FAM117B: variants seen among roughly 807,000 people sequenced by gnomAD.
FAM117B encodes family with sequence similarity 117 member B.
Under a neutral mutation model 52.8 loss-of-function variants are expected in FAM117B, and 22 were observed. The ratio of observed to expected loss-of-function variants is 0.42; its 90% CI spans 0.30 to 0.59. The LOEUF is 0.59. FAM117B is among the 20% of genes least tolerant of loss of function. FAM117B has a pLI of 0.22. For missense variants in FAM117B, 678 were observed against 802.6 expected, an observed-to-expected ratio of 0.84 and a Z score of 1.88; for synonymous variants, 309 against 324.1, an observed-to-expected ratio of 0.95 and a Z score of 0.50.
At chr2:202,668,706 GTTTTA>G (rs1210375187) in intron 1 of FAM117B, among the ~76,000 whole-genome samples, 2 of 151,826 alleles carry the variant, frequency 1.3e-5, no homozygotes, top group Non-Finnish European at 2.9e-5. Flanking sequence ...TTTGGGTCAA[GTTTTA>G]TTTTCTGTAT....
chr2:202,732,089 C>T (rs1297116263), intron 4 of FAM117B, among the ~76,000 whole-genome samples: 1 of 148,772 alleles, frequency 6.7e-6, no homozygotes, highest in Non-Finnish European at 1.5e-5. Context: ...TGGGGTTTCA[C>T]CTTGTTGGCC....
chr2:202,705,788 C>G (rs1462035132), intron 2 of FAM117B, among the ~76,000 whole-genome samples: 4 of 152,140 alleles, frequency 2.6e-5, no homozygotes, highest in African/African-American at 4.8e-5. Flanking sequence ...TTTAAACTAC[C>G]TGATTTTCAG....
chr2:202,718,391 A>G (rs1691090693), intron 2 of FAM117B, among the ~76,000 whole-genome samples: 1 of 152,124 alleles, frequency 6.6e-6, no homozygotes, highest in Admixed American at 6.5e-5. Context: ...ACTTTCTGTT[A>G]TTCCTGGTTT....
At chr2:202,663,717 G>A (rs1460581362) in intron 1 of FAM117B, among the ~76,000 whole-genome samples, 1 of 151,780 alleles carries the variant, frequency 6.6e-6, no homozygotes, top group African/African-American at 2.4e-5. Flanking sequence ...CTGAGTAACT[G>A]GGATTACAGG....
intron 1 of FAM117B, among the ~76,000 whole-genome samples, chr2:202,648,723 T>C (rs1473631920): frequency 2.6e-5 from 4 of 152,052 alleles, no homozygotes; most frequent in African/African-American, 9.7e-5. Flanking sequence ...TGTGCACTTA[T>C]ATATGAATTT....
At chr2:202,734,627 G>A (rs1691411812) in intron 4 of FAM117B, among the ~76,000 whole-genome samples, 1 of 152,164 alleles carries the variant, frequency 6.6e-6, no homozygotes, top group Admixed American at 6.6e-5. Context: ...GCCTGCTAGA[G>A]GTGTGAAGTT....
At chr2:202,681,089 T>C (rs1396642265) in intron 1 of FAM117B, among the ~76,000 whole-genome samples, 2 of 152,190 alleles carry the variant, frequency 1.3e-5, no homozygotes, top group Non-Finnish European at 1.5e-5. Context: ...AAGAGTCTTA[T>C]ATGTAAAATG....
chr2:202,755,645 A>G lies in FAM117B; in HGVS notation c.1068A>G (p.Ile356Met). The G allele has an allele frequency of 1.9e-6, 3 of 1,613,966 alleles. No homozygotes were observed. Among genetic ancestry groups the G allele is most frequent in the Non-Finnish European group, 2.5e-6 (3 of 1,179,932 alleles). Reference sequence around the variant, plus strand: ...GATTGAATCAGGAGATTGAAATAATAATTAAAGAGACTGGGGAAAAGGAAG... The same window carrying G: ...GATTGAATCAGGAGATTGAAATAATGATTAAAGAGACTGGGGAAAAGGAAG... ...VEGLNQEIEI[I>M]IKETGEKEEQ... is the part of the protein sequence containing the mutation. Residue 356 changes from isoleucine to methionine, a missense_variant, in exon 5 of 8, where the codon ATA becomes ATG. Ile to Met is a conservative substitution (Grantham distance 10). Transcript: ENST00000392238.
intron 1 of FAM117B, among the ~76,000 whole-genome samples, chr2:202,665,995 CTT>C (rs986531215): frequency 3.3e-5 from 5 of 152,194 alleles, no homozygotes; most frequent in African/African-American, 9.7e-5. Flanking sequence ...CTGGTAGTGA[CTT>C]ATTGATATAA....
At chr2:202,706,626 T>A (rs1202104526) in intron 2 of FAM117B, among the ~76,000 whole-genome samples, 1 of 152,252 alleles carries the variant, frequency 6.6e-6, no homozygotes, top group Non-Finnish European at 1.5e-5. Context: ...AAGAATAGTC[T>A]GTAATTTAGA....
chr2:202,744,976 CAAAAA>C (rs58898446), intron 4 of FAM117B, among the ~76,000 whole-genome samples: 5 of 59,290 alleles, frequency 8.4e-5, no homozygotes, highest in Non-Finnish European at 1.2e-4. Flanking sequence ...GACTCTGTCT[CAAAAA>C]AAAAAAAAAA....
At chr2:202,717,243 G>A (rs888013932) in intron 2 of FAM117B, among the ~76,000 whole-genome samples, 1 of 152,172 alleles carries the variant, frequency 6.6e-6, no homozygotes, top group African/African-American at 2.4e-5. Flanking sequence ...GGTTGAGAAG[G>A]GCAGATTGCT....
intron 4 of FAM117B, among the ~76,000 whole-genome samples, chr2:202,731,362 T>TATATATATATATATATAC (rs1185524899): frequency 2.7e-4 from 35 of 131,338 alleles, no homozygotes; most frequent in Admixed American, 2.0e-3. Context: ...TATATATATA[T>TATATATATATATATATAC]ATATATGGAG....
At chr2:202,680,445 C>A (rs1690445871) in intron 1 of FAM117B, among the ~76,000 whole-genome samples, 1 of 152,088 alleles carries the variant, frequency 6.6e-6, no homozygotes, top group Non-Finnish European at 1.5e-5. Context: ...GAAATAATGA[C>A]TGAAAATTTT....
intron 1 of FAM117B, among the ~76,000 whole-genome samples, chr2:202,648,220 C>T (rs1287628656): frequency 6.6e-6 from 1 of 152,030 alleles, no homozygotes; most frequent in Non-Finnish European, 1.5e-5. Context: ...CAGATATATG[C>T]ATATGTCAGC....
chr2:202,740,174 C>CAA (rs67479326), intron 4 of FAM117B, among the ~76,000 whole-genome samples: 10 of 100,600 alleles, frequency 9.9e-5, no homozygotes, highest in South Asian at 7.3e-4. Context: ...CTTCATCCCC[C>CAA]AAAAAAAAAA....
At chr2:202,747,368 C>A (rs984378763) in intron 4 of FAM117B, among the ~76,000 whole-genome samples, 1 of 152,060 alleles carries the variant, frequency 6.6e-6, no homozygotes, top group Non-Finnish European at 1.5e-5. Flanking sequence ...AACTGAAACA[C>A]GACAAGGGTG....
At chr2:202,736,979 A>G (rs1207676295) in intron 4 of FAM117B, among the ~76,000 whole-genome samples, 2 of 152,176 alleles carry the variant, frequency 1.3e-5, no homozygotes, top group Non-Finnish European at 2.9e-5. Flanking sequence ...TGTACCACAG[A>G]TGAGCCAATG....
chr2:202,742,524 C>T (rs776031884), intron 4 of FAM117B, among the ~76,000 whole-genome samples: 109 of 152,124 alleles, frequency 7.2e-4, no homozygotes, highest in Non-Finnish European at 1.4e-3. Flanking sequence ...TATACAAAAA[C>T]AACCTCTAAA....
Sources: allele counts gnomAD v4.1 joint callset (sites outside exome capture counted in the v4.1 genomes callset), GRCh38; gene constraint gnomAD v4.1.1; transcripts MANE v1.5; gene names NCBI Gene and HGNC (gene_info 2026-07-23, HGNC 2026-07-21).